SLC35D4: variants seen among roughly 807,000 people sequenced by gnomAD.
The protein encoded by SLC35D4 is solute carrier family 35 member D4.
chr18:23,402,842 C>A, the SLC35D4 span, among the ~76,000 whole-genome samples: 2 of 152,000 alleles, frequency 1.3e-5, no homozygotes, highest in Non-Finnish European at 1.5e-5. Context: ...TGTGGTGACT[C>A]ACGCCTGTAA....
chr18:23,366,489 C>T, the SLC35D4 span, among the ~76,000 whole-genome samples: 1 of 152,156 alleles, frequency 6.6e-6, no homozygotes, highest in Admixed American at 6.6e-5. Flanking sequence ...TGGTTCTAAA[C>T]CCTGGCTGCA....
the SLC35D4 span, among the ~76,000 whole-genome samples, chr18:23,420,557 G>A: frequency 6.6e-6 from 1 of 151,848 alleles, no homozygotes; most frequent in African/African-American, 2.4e-5. Context: ...TATTATTTTT[G>A]TAGAGGTGGG....
At chr18:23,386,235 C>T in the SLC35D4 span, among the ~76,000 whole-genome samples, 376 of 151,752 alleles carry the variant, frequency 2.5e-3, 2 homozygotes, top group African/African-American at 7.7e-3. Context: ...AGGATCTTTG[C>T]AAATGTGAGT....
the SLC35D4 span, among the ~76,000 whole-genome samples, chr18:23,392,005 T>A: frequency 3.3e-5 from 5 of 151,902 alleles, no homozygotes; most frequent in African/African-American, 7.3e-5. Flanking sequence ...TGATGCGATC[T>A]TGGCTCACTG....
chr18:23,399,532 G>T, the SLC35D4 span: 1 of 1,588,886 alleles, frequency 6.3e-7, no homozygotes. Flanking sequence ...GAAAGGGAGA[G>T]AGGAGTTGTT....
chr18:23,388,351 C>T, the SLC35D4 span, among the ~76,000 whole-genome samples: 2 of 152,174 alleles, frequency 1.3e-5, no homozygotes, highest in Non-Finnish European at 2.9e-5. Context: ...CTTATTTAAA[C>T]CTCCTCCCAG....
the SLC35D4 span, among the ~76,000 whole-genome samples, chr18:23,342,639 A>C: frequency 8.5e-5 from 13 of 152,306 alleles, no homozygotes; most frequent in Non-Finnish European, 1.6e-4. Flanking sequence ...AATCTTCTAA[A>C]ACTACCAAAC....
chr18:23,371,338 A>G, the SLC35D4 span: 1 of 1,118,728 alleles, frequency 8.9e-7, no homozygotes, highest in Non-Finnish European at 1.2e-6. Flanking sequence ...CAAGGGATCC[A>G]CTTGCCTTGG....
At chr18:23,241,315 G>T in the SLC35D4 span, among the ~76,000 whole-genome samples, 1 of 151,958 alleles carries the variant, frequency 6.6e-6, no homozygotes, top group East Asian at 1.9e-4. Context: ...GGGATCACTT[G>T]AGGTCAAGAG....
chr18:23,286,730 A>C, the SLC35D4 span, among the ~76,000 whole-genome samples: 19 of 151,856 alleles, frequency 1.3e-4, no homozygotes, highest in Admixed American at 1.2e-3. Context: ...AAACCTCTTA[A>C]AACTCCCCAA....
At chr18:23,391,751 G>A in the SLC35D4 span, among the ~76,000 whole-genome samples, 2 of 152,246 alleles carry the variant, frequency 1.3e-5, no homozygotes, top group Admixed American at 1.3e-4. Flanking sequence ...GCCTCCTAAA[G>A]TCTGGGATTA....
the SLC35D4 span, chr18:23,296,749 G>A: frequency 2.7e-5 from 4 of 147,528 alleles, no homozygotes; most frequent in African/African-American, 1.0e-4. Context: ...ATGTGTGTGT[G>A]TATACATATA....
chr18:23,329,953 G>A, the SLC35D4 span, among the ~76,000 whole-genome samples: 1 of 152,128 alleles, frequency 6.6e-6, no homozygotes, highest in Non-Finnish European at 1.5e-5. Context: ...CACAAGGATA[G>A]AAAACCAAAC....
the SLC35D4 span, among the ~76,000 whole-genome samples, chr18:23,264,298 CACGCT>C: frequency 6.6e-6 from 1 of 150,720 alleles, no homozygotes; most frequent in Non-Finnish European, 1.5e-5. Flanking sequence ...CGGGAACAGG[CACGCT>C]ACACAGCAAA....
the SLC35D4 span, among the ~76,000 whole-genome samples, chr18:23,248,190 C>CGCAGGG: frequency 1.3e-5 from 2 of 152,182 alleles, no homozygotes; most frequent in Non-Finnish European, 2.9e-5. Context: ...GGGAGTGTGG[C>CGCAGGG]GCAGGGGCAG....
the SLC35D4 span, chr18:23,253,791 C>T: frequency 6.2e-7 from 1 of 1,614,204 alleles, no homozygotes; most frequent in Non-Finnish European, 8.5e-7. Context: ...CCCACGGTGG[C>T]CATGGCCTTC....
chr18:23,273,608 C>CTGAATGAA, the SLC35D4 span, among the ~76,000 whole-genome samples: 8 of 151,760 alleles, frequency 5.3e-5, no homozygotes, highest in African/African-American at 1.7e-4. Context: ...CTGTGACTTC[C>CTGAATGAA]TGAATGAATG....
the SLC35D4 span, among the ~76,000 whole-genome samples, chr18:23,288,343 T>C: frequency 6.6e-6 from 1 of 152,212 alleles, no homozygotes; most frequent in African/African-American, 2.4e-5. Context: ...CTCATTTCCT[T>C]TCCATCGTGG....
the SLC35D4 span, among the ~76,000 whole-genome samples, chr18:23,420,163 C>T: frequency 2.0e-5 from 3 of 151,964 alleles, no homozygotes; most frequent in Admixed American, 6.6e-5. Context: ...ATTAGCCAGG[C>T]GTGGTGGCGC....
Sources: gnomAD v4.1 joint callset for allele counts (sites outside exome capture counted in the v4.1 genomes callset) on GRCh38, gnomAD v4.1.1 for gene constraint, MANE v1.5 for transcripts, NCBI Gene and HGNC (gene_info 2026-07-23, HGNC 2026-07-21) for gene names.